RPS6KC1: variants seen among roughly 807,000 people sequenced by gnomAD.
RPS6KC1 encodes ribosomal protein S6 kinase C1.
Under a neutral mutation model 103.8 loss-of-function variants are expected in RPS6KC1, and 54 were observed. The observed-to-expected ratio is 0.52, with a 90% CI of 0.42 to 0.65. The LOEUF (loss-of-function observed/expected upper bound fraction) is 0.65, where lower values mean the gene tolerates loss of function less well. Among genes scored for constraint, RPS6KC1 ranks in the 30% least tolerant of loss-of-function variants. The pLI is 0.00. For synonymous variants in RPS6KC1, 439 were observed against 438.7 expected, an observed-to-expected ratio of 1.00 and a Z score of -0.01; for missense variants, 1,151 against 1,253.8, an observed-to-expected ratio of 0.92 and a Z score of 1.24.
At chr1:213,073,869 TTTTACCA>T (rs2079083836) in intron 2 of RPS6KC1, among the ~76,000 whole-genome samples, 1 of 151,770 alleles carries the variant, frequency 6.6e-6, no homozygotes, top group Non-Finnish European at 1.5e-5. Flanking sequence ...AGAGACGGGG[TTTTACCA>T]TGTTGGCCAG....
At chr1:213,792,954 C>T in the RPS6KC1 span, among the ~76,000 whole-genome samples, 1 of 152,002 alleles carries the variant, frequency 6.6e-6, no homozygotes, top group African/African-American at 2.4e-5. Flanking sequence ...TATCACTATG[C>T]CCTTAATGGA....
At chr1:213,795,037 C>T in the RPS6KC1 span, among the ~76,000 whole-genome samples, 42 of 152,340 alleles carry the variant, frequency 2.8e-4, no homozygotes, top group African/African-American at 1.0e-3. Flanking sequence ...TGCCCCAAAG[C>T]ACATGAGTTG....
the RPS6KC1 span, among the ~76,000 whole-genome samples, chr1:213,376,099 TGTGTGTGTGTG>T: frequency 1.4e-5 from 2 of 145,002 alleles, no homozygotes; most frequent in African/African-American, 2.6e-5. Flanking sequence ...TGTGTGTGTG[TGTGTGTGTGTG>T]TGTGTGTGTG....
chr1:213,350,037 A>T, the RPS6KC1 span, among the ~76,000 whole-genome samples: 2 of 152,116 alleles, frequency 1.3e-5, no homozygotes, highest in Admixed American at 1.3e-4. Flanking sequence ...GGGGTTTGGA[A>T]ACTAAGCAAC....
At chr1:213,146,682 C>T (rs968263353) in intron 6 of RPS6KC1, among the ~76,000 whole-genome samples, 1 of 151,956 alleles carries the variant, frequency 6.6e-6, no homozygotes, top group Non-Finnish European at 1.5e-5. Context: ...ACGTCGGCCT[C>T]CCAAAGTGCT....
At chr1:213,853,173 G>A in the RPS6KC1 span, among the ~76,000 whole-genome samples, 168 of 152,252 alleles carry the variant, frequency 1.1e-3, 1 homozygote, top group East Asian at 0.022. Flanking sequence ...TCACACCCCC[G>A]GCTTGCAATT....
the RPS6KC1 span, among the ~76,000 whole-genome samples, chr1:213,421,809 G>C: frequency 6.6e-6 from 1 of 152,220 alleles, no homozygotes; most frequent in Non-Finnish European, 1.5e-5. Context: ...AGGTGCTCAG[G>C]CTTGGAGATG....
chr1:213,604,477 T>C, the RPS6KC1 span, among the ~76,000 whole-genome samples: 3 of 152,256 alleles, frequency 2.0e-5, no homozygotes, highest in Non-Finnish European at 4.4e-5. Flanking sequence ...GTTTGGTGCC[T>C]GTTCTTGTAA....
the RPS6KC1 span, among the ~76,000 whole-genome samples, chr1:213,744,305 A>T: frequency 1.1e-4 from 16 of 151,898 alleles, no homozygotes; most frequent in Non-Finnish European, 1.9e-4. Flanking sequence ...ATAATGATAT[A>T]AAAAAAATAA....
the RPS6KC1 span, among the ~76,000 whole-genome samples, chr1:213,857,447 C>T: frequency 6.6e-6 from 1 of 152,192 alleles, no homozygotes; most frequent in Non-Finnish European, 1.5e-5. Flanking sequence ...TTCTCAGGGG[C>T]AGCCTTTACT....
At chr1:213,290,938 A>T in the RPS6KC1 span, among the ~76,000 whole-genome samples, 3 of 152,228 alleles carry the variant, frequency 2.0e-5, no homozygotes, top group Admixed American at 2.0e-4. Context: ...ATCTCACTGC[A>T]AATGGCAGTG....
chr1:213,257,593 A>C (rs1275030003), intron 12 of RPS6KC1, among the ~76,000 whole-genome samples: 2 of 152,142 alleles, frequency 1.3e-5, no homozygotes, highest in Non-Finnish European at 2.9e-5. Flanking sequence ...TAAAGTATTA[A>C]ACATGGTTTC....
chr1:213,440,997 C>A, the RPS6KC1 span, among the ~76,000 whole-genome samples: 1 of 152,204 alleles, frequency 6.6e-6, no homozygotes, highest in Non-Finnish European at 1.5e-5. Flanking sequence ...ACACTCATGT[C>A]TGGGCTCTCC....
chr1:213,710,643 T>C, the RPS6KC1 span, among the ~76,000 whole-genome samples: 2 of 152,252 alleles, frequency 1.3e-5, no homozygotes, highest in African/African-American at 4.8e-5. Flanking sequence ...GTTTTTGCAG[T>C]GGCTGGTACC....
At chr1:213,590,897 G>T in the RPS6KC1 span, among the ~76,000 whole-genome samples, 4 of 152,200 alleles carry the variant, frequency 2.6e-5, no homozygotes, top group East Asian at 5.8e-4. Flanking sequence ...TATCCTTCAG[G>T]ATCCAAAGAG....
the RPS6KC1 span, among the ~76,000 whole-genome samples, chr1:213,660,507 G>A: frequency 2.0e-5 from 3 of 152,296 alleles, no homozygotes; most frequent in Middle Eastern, 3.4e-3. Context: ...TTGCTCATGC[G>A]CCTAATTTAT....
chr1:213,362,265 CATCAT>C, the RPS6KC1 span, among the ~76,000 whole-genome samples: 1 of 152,180 alleles, frequency 6.6e-6, no homozygotes, highest in African/African-American at 2.4e-5. Context: ...CTTGGAAGAA[CATCAT>C]GGAGAGTTAA....
At chr1:213,428,767 C>T in the RPS6KC1 span, 2 of 152,268 alleles carry the variant, frequency 1.3e-5, no homozygotes, top group African/African-American at 4.8e-5. Context: ...GTAACCAACA[C>T]ACAGAGCTTG....
chr1:213,747,505 T>C, the RPS6KC1 span, among the ~76,000 whole-genome samples: 2 of 152,226 alleles, frequency 1.3e-5, no homozygotes, highest in African/African-American at 4.8e-5. Context: ...AATAGCACTG[T>C]GGCAAGTTTC....
Sources: gnomAD v4.1 joint callset for allele counts (sites outside exome capture counted in the v4.1 genomes callset) on GRCh38, gnomAD v4.1.1 for gene constraint, MANE v1.5 for transcripts, NCBI Gene and HGNC (gene_info 2026-07-23, HGNC 2026-07-21) for gene names.